ZBTB20: variants seen among roughly 807,000 people sequenced by gnomAD.
ZBTB20 encodes zinc finger and BTB domain-containing protein 20.
In ZBTB20, 9 loss-of-function variants were observed where a neutral mutation model predicts 56.9. The ratio of observed to expected loss-of-function variants is 0.16; its 90% CI spans 0.10 to 0.28. The LOEUF (loss-of-function observed/expected upper bound fraction) is 0.28. Among genes scored for constraint, ZBTB20 ranks in the 10% least tolerant of loss-of-function variants. ZBTB20 has a pLI of 1.00. For missense variants in ZBTB20, 655 were observed against 1,003.0 expected, an observed-to-expected ratio of 0.65 and a Z score of 4.69; for synonymous variants, 417 against 420.7, an observed-to-expected ratio of 0.99 and a Z score of 0.11.
chr3:114,529,583 T>C (rs900555820), intron 6 of ZBTB20: 5 of 152,176 alleles, frequency 3.3e-5, no homozygotes, highest in African/African-American at 1.2e-4. Context: ...AGAACTCTAG[T>C]TAGTTGAATG....
intron 6 of ZBTB20, among the ~76,000 whole-genome samples, chr3:114,574,845 G>C (rs1387446635): frequency 6.6e-6 from 1 of 152,168 alleles, no homozygotes; most frequent in Non-Finnish European, 1.5e-5. Flanking sequence ...TCATTCAGGG[G>C]AAAATTCATC....
chr3:114,635,704 G>GA (rs148658354), intron 6 of ZBTB20, among the ~76,000 whole-genome samples: 4,112 of 151,798 alleles, frequency 0.027, 167 homozygotes, highest in African/African-American at 0.094. Flanking sequence ...TCAAGCAGAA[G>GA]AAAGAAACAG....
intron 5 of ZBTB20, among the ~76,000 whole-genome samples, chr3:114,788,259 T>C (rs1369077330): frequency 2.0e-5 from 3 of 152,202 alleles, no homozygotes; most frequent in South Asian, 2.1e-4. Flanking sequence ...AGTGGCATTA[T>C]GTATACTCAC....
intron 3 of ZBTB20, among the ~76,000 whole-genome samples, chr3:114,919,750 T>C (rs994048715): frequency 2.7e-5 from 4 of 150,838 alleles, no homozygotes; most frequent in Non-Finnish European, 5.9e-5. Context: ...AATTAACAAA[T>C]GGCAATAGTA....
intron 7 of ZBTB20, among the ~76,000 whole-genome samples, chr3:114,475,764 A>C (rs2040681900): frequency 6.6e-6 from 1 of 152,202 alleles, no homozygotes; most frequent in South Asian, 2.1e-4. Context: ...GAAACCATAA[A>C]ATAACATTCA....
At chr3:114,820,036 G>T (rs2073151121) in intron 4 of ZBTB20, among the ~76,000 whole-genome samples, 1 of 151,814 alleles carries the variant, frequency 6.6e-6, no homozygotes, top group Non-Finnish European at 1.5e-5. Flanking sequence ...AGTTAGAAAA[G>T]CACTTTTACA....
rs950287849 is a variant in ZBTB20 at position 114,337,013 on chromosome 3, C to T, written c.*1992G>A. Reference sequence around the variant, plus strand: ...TCTATTATAACACCTTGATCAGGACCGAGGAGAGAAATCCCTACTAGGAAG... The same window carrying T: ...TCTATTATAACACCTTGATCAGGACTGAGGAGAGAAATCCCTACTAGGAAG... On this transcript the variant is annotated 3_prime_UTR_variant, in exon 12 of 12. Transcript: ENST00000675478. 6 of 152,106 alleles carry T rather than the reference C, an allele frequency of 3.9e-5. No individual in the cohort carries two copies. Among genetic ancestry groups the T allele is most frequent in the Admixed American group, 3.9e-4 (6 of 15,272 alleles). The allele number at this position is 152,106 out of a possible 1,614,324, so 9.4% of individuals were successfully genotyped here.
In ZBTB20 at chr3:114,330,018, C is replaced by T. The variant is rs957075658; in HGVS notation, c.*8987G>A. ...AAAGCAAATATAGACAGTGACAGTC[C>T]TACAGGGGAAAATCACAGATACATT... is the stretch of plus-strand genomic sequence containing the variant. On this transcript the variant is annotated 3_prime_UTR_variant, in exon 12 of 12. Coordinates refer to ENST00000675478, the MANE Select transcript of ZBTB20 (RefSeq NM_001348800.3). The T allele has an allele frequency of 1.3e-5, 2 of 152,158 alleles. No individual in the cohort carries two copies. The highest frequency in any genetic ancestry group is 2.9e-5 in the Non-Finnish European group (2 of 68,026). The allele number at this position is 152,158 out of a possible 1,614,324, so 9.4% of individuals were successfully genotyped here.
chr3:114,350,209 T>C lies in ZBTB20; in HGVS notation c.1804+65A>G, dbSNP rs1443895948. The C allele has an allele frequency of 3.9e-6, 6 of 1,535,898 alleles. No homozygotes were observed. The African/African-American group carries it at 5.5e-5, about 14-fold the overall frequency. On this transcript the variant is annotated intron_variant, in intron 11 of 11. Transcript: ENST00000675478. ...CAAACCTTCCCTTCTACCTGCTCTCTTACCTTGCCTTCCCACAGCCCCCTC... is the reference window on the plus strand; with the variant it reads ...CAAACCTTCCCTTCTACCTGCTCTCCTACCTTGCCTTCCCACAGCCCCCTC...
At chr3:115,108,542 T>C (rs922057176) in intron 1 of ZBTB20, among the ~76,000 whole-genome samples, 2 of 152,248 alleles carry the variant, frequency 1.3e-5, no homozygotes, top group African/African-American at 4.8e-5. Flanking sequence ...ATGAAGTTTA[T>C]GTTTTGTGAT....
chr3:115,083,468 CACTT>C (rs2082868859), intron 1 of ZBTB20, among the ~76,000 whole-genome samples: 2 of 151,968 alleles, frequency 1.3e-5, no homozygotes, highest in Admixed American at 1.3e-4. Context: ...GTGATGAAAA[CACTT>C]ACCCTCATTG....
At chr3:114,898,216 C>T (rs868071767) in intron 4 of ZBTB20, among the ~76,000 whole-genome samples, 24 of 152,002 alleles carry the variant, frequency 1.6e-4, no homozygotes, top group Middle Eastern at 3.2e-3. Context: ...TCAGGAAAGA[C>T]GAGGCATTAA....
At chr3:114,641,232 T>C (rs986173339) in intron 6 of ZBTB20, among the ~76,000 whole-genome samples, 5 of 152,012 alleles carry the variant, frequency 3.3e-5, no homozygotes, top group African/African-American at 1.2e-4. Context: ...AAGCATGTTG[T>C]AGCAAGGGTC....
chr3:114,630,333 AT>A (rs1337816463), intron 6 of ZBTB20, among the ~76,000 whole-genome samples: 1 of 152,132 alleles, frequency 6.6e-6, no homozygotes, highest in Non-Finnish European at 1.5e-5. Flanking sequence ...GCCATAACTC[AT>A]TGGATGGCAG....
At chr3:114,470,667 G>A (rs1308869287) in intron 7 of ZBTB20, among the ~76,000 whole-genome samples, 1 of 152,136 alleles carries the variant, frequency 6.6e-6, no homozygotes, top group Non-Finnish European at 1.5e-5. Context: ...GATTTAGTTA[G>A]TGTCTTTTTG....
chr3:114,649,228 G>A (rs1289039737), intron 6 of ZBTB20, among the ~76,000 whole-genome samples: 1 of 151,908 alleles, frequency 6.6e-6, no homozygotes, highest in African/African-American at 2.4e-5. Context: ...ATCCCTTGCT[G>A]CCTGAATACA....
intron 7 of ZBTB20, among the ~76,000 whole-genome samples, chr3:114,444,070 T>G (rs2091106106): frequency 6.6e-6 from 1 of 152,136 alleles, no homozygotes; most frequent in Non-Finnish European, 1.5e-5. Flanking sequence ...AAATGTGGTG[T>G]GTGCTTAGGA....
At chr3:114,480,702 A>G (rs554842016) in intron 7 of ZBTB20, among the ~76,000 whole-genome samples, 10 of 152,300 alleles carry the variant, frequency 6.6e-5, no homozygotes, top group African/African-American at 2.4e-4. Context: ...TGGATTACTC[A>G]ACTTGTTGGC....
chr3:115,146,876 G>T (rs931300672), intron 1 of ZBTB20, among the ~76,000 whole-genome samples: 1 of 151,404 alleles, frequency 6.6e-6, no homozygotes, highest in Non-Finnish European at 1.5e-5. Context: ...CCAGCTGCGG[G>T]ACGTCCCGCC....
Sources: allele counts gnomAD v4.1 joint callset (sites outside exome capture counted in the v4.1 genomes callset), GRCh38; gene constraint gnomAD v4.1.1; transcripts MANE v1.5; gene names NCBI Gene and HGNC (gene_info 2026-07-23, HGNC 2026-07-21).